Variants in MSI2 observed in about 807,000 individuals in gnomAD.
The protein encoded by MSI2 is musashi RNA binding protein 2.
Under a neutral mutation model 45.6 loss-of-function variants are expected in MSI2, and 17 were observed. The observed-to-expected ratio is 0.37, with a 90% CI of 0.26 to 0.56. MSI2 has a LOEUF of 0.56. MSI2 is among the 20% of genes least tolerant of loss of function. The pLI is 0.77. For synonymous variants in MSI2, 156 were observed against 158.2 expected, an observed-to-expected ratio of 0.99 and a Z score of 0.11; for missense variants, 293 against 444.2, an observed-to-expected ratio of 0.66 and a Z score of 3.06.
intron 7 of MSI2, among the ~76,000 whole-genome samples, chr17:57,535,082 G>T (rs2086894464): frequency 6.6e-6 from 1 of 152,370 alleles, no homozygotes; most frequent in African/African-American, 2.4e-5. Flanking sequence ...GGAGGCCGGG[G>T]AGTAGACAGC....
intron 11 of MSI2, among the ~76,000 whole-genome samples, chr17:57,673,620 TTAAAC>T (rs1912986537): frequency 6.6e-6 from 1 of 152,134 alleles, no homozygotes; most frequent in Non-Finnish European, 1.5e-5. Flanking sequence ...AAAATAAAGT[TTAAAC>T]TACTAAGGAG....
chr17:57,634,414 T>C lies in MSI2; in HGVS notation c.727+7111T>C, dbSNP rs2144632681. On this transcript the variant is annotated intron_variant, in intron 10 of 13. Transcript: ENST00000284073. ...CTGGGAGGCGGAGGTTGCAGTGAGC[T>C]GAGATCACGCGGTTGCACTCCAGCC... Among the ~76,000 whole-genome samples the C allele has an allele frequency of 1.3e-5, 2 of 151,646 alleles. 1 individual carries two copies. The highest frequency in any genetic ancestry group is 3.9e-4 in the East Asian group (2 of 5,134).
intron 6 of MSI2, chr17:57,449,127 C>T (rs1431568490): frequency 1.3e-5 from 2 of 152,330 alleles, no homozygotes; most frequent in African/African-American, 4.8e-5. Context: ...CCCACTCACC[C>T]TTGGATCCTC....
intron 11 of MSI2, among the ~76,000 whole-genome samples, chr17:57,670,423 G>T (rs1288589085): frequency 6.6e-6 from 1 of 152,200 alleles, no homozygotes; most frequent in Non-Finnish European, 1.5e-5. Context: ...AGTAGCTTTG[G>T]GTCCAACCCT....
At chr17:57,470,498 G>A (rs952684126) in intron 6 of MSI2, among the ~76,000 whole-genome samples, 11 of 152,110 alleles carry the variant, frequency 7.2e-5, no homozygotes, top group African/African-American at 2.7e-4. Flanking sequence ...AGCTGGTCTC[G>A]AACTCCTGAC....
chr17:57,258,570 G>A (rs1411455999), intron 4 of MSI2, among the ~76,000 whole-genome samples: 1 of 152,250 alleles, frequency 6.6e-6, no homozygotes, highest in Non-Finnish European at 1.5e-5. Flanking sequence ...GGCTGCCAAG[G>A]TTAGGCTTGG....
At chr17:57,688,342 T>G (rs1011534392), downstream of MSI2, among the ~76,000 whole-genome samples, 1 of 152,024 alleles carries the variant, frequency 6.6e-6, no homozygotes. Flanking sequence ...GTAAGATAAA[T>G]ATACAAAAAC....
chr17:57,306,816 G>A (rs977515724), intron 5 of MSI2, among the ~76,000 whole-genome samples: 1 of 152,088 alleles, frequency 6.6e-6, no homozygotes, highest in Non-Finnish European at 1.5e-5. Context: ...CATGAATCTT[G>A]GCTCACTGTG....
At chr17:57,401,768 G>A (rs2083995770) in intron 6 of MSI2, among the ~76,000 whole-genome samples, 1 of 152,178 alleles carries the variant, frequency 6.6e-6, no homozygotes, top group Admixed American at 6.5e-5. Flanking sequence ...ACGGCAGCTG[G>A]GGAGGGATGT....
chr17:57,334,855 A>G (rs1914569811), intron 5 of MSI2, among the ~76,000 whole-genome samples: 1 of 152,108 alleles, frequency 6.6e-6, no homozygotes, highest in Non-Finnish European at 1.5e-5. Context: ...AGATGGAGGA[A>G]AAGGGTTTGG....
rs1264588205 is a variant in MSI2 at position 57,528,098 on chromosome 17, A to ACC, written c.406-1572_406-1571dup. Among the ~76,000 whole-genome samples, 824 of 140,784 alleles carry ACC rather than the reference A, an allele frequency of 5.9e-3. 7 individuals carry two copies. Among genetic ancestry groups the ACC allele is most frequent in the African/African-American group, 0.019 (755 of 39,082 alleles). 92.4% of individuals were successfully genotyped at this position (140,784 alleles called of 152,430 possible). On this transcript the variant is annotated intron_variant, in intron 6 of 13. Coordinates refer to ENST00000284073, the MANE Select transcript of MSI2 (RefSeq NM_138962.4). ...GACAGGGCCCCCCGCTAACAGTTTT[A>ACC]CCCCCCCTACAGCCACACGGACTGG...
intron 6 of MSI2, among the ~76,000 whole-genome samples, chr17:57,404,727 A>G (rs2084052046): frequency 6.6e-6 from 1 of 152,122 alleles, no homozygotes; most frequent in Non-Finnish European, 1.5e-5. Context: ...TAAGACTGCT[A>G]TCAAGGGGCT....
intron 5 of MSI2, among the ~76,000 whole-genome samples, chr17:57,331,918 G>A (rs576446957): frequency 6.6e-6 from 1 of 152,110 alleles, no homozygotes; most frequent in Admixed American, 6.5e-5. Flanking sequence ...TTACAACCTT[G>A]ATCTTTAAAA....
intron 10 of MSI2, among the ~76,000 whole-genome samples, chr17:57,648,204 A>G (rs1355483918): frequency 6.9e-6 from 1 of 145,558 alleles, no homozygotes; most frequent in East Asian, 2.0e-4. Flanking sequence ...GGGTTTTCCC[A>G]TGTTGGCCAG....
At chr17:57,562,864 G>A (rs774066274) in intron 7 of MSI2, among the ~76,000 whole-genome samples, 2 of 151,956 alleles carry the variant, frequency 1.3e-5, no homozygotes, top group Non-Finnish European at 1.5e-5. Context: ...TTGGAATGCC[G>A]AGGCAGGCGG....
At chr17:57,662,793 T>C (rs9896379) in intron 11 of MSI2, among the ~76,000 whole-genome samples, 22,468 of 152,232 alleles carry the variant, frequency 0.15, 2,770 homozygotes, top group African/African-American at 0.34. Context: ...TTGCACCTGC[T>C]CCTGCTGTTG....
intron 8 of MSI2, among the ~76,000 whole-genome samples, chr17:57,600,648 C>G (rs1013053919): frequency 2.0e-5 from 3 of 152,100 alleles, no homozygotes; most frequent in Non-Finnish European, 2.9e-5. Context: ...TCACAGGGGA[C>G]CAGGATAGCT....
intron 5 of MSI2, among the ~76,000 whole-genome samples, chr17:57,294,989 T>C (rs1598084653): frequency 6.6e-6 from 1 of 151,426 alleles, no homozygotes; most frequent in Admixed American, 6.6e-5. Flanking sequence ...ATGCTAAAGG[T>C]GTTTCAGGAC....
intron 5 of MSI2, among the ~76,000 whole-genome samples, chr17:57,367,202 C>T (rs1917256864): frequency 6.6e-6 from 1 of 152,186 alleles, no homozygotes; most frequent in African/African-American, 2.4e-5. Flanking sequence ...TGTTGGAGAG[C>T]ACAGACGAAG....
Sources: gnomAD v4.1 joint callset for allele counts (sites outside exome capture counted in the v4.1 genomes callset) on GRCh38, gnomAD v4.1.1 for gene constraint, MANE v1.5 for transcripts, NCBI Gene and HGNC (gene_info 2026-07-23, HGNC 2026-07-21) for gene names.